KIZ: variants seen among roughly 807,000 people sequenced by gnomAD.
KIZ encodes the protein kizuna centrosomal protein.
Under a neutral mutation model 79.6 loss-of-function variants are expected in KIZ, and 68 were observed. The ratio of observed to expected loss-of-function variants is 0.85; its 90% CI spans 0.70 to 1.05. The LOEUF is 1.05. Among genes scored for constraint, KIZ ranks in the 50% least tolerant of loss-of-function variants. The pLI, the probability that KIZ is intolerant of heterozygous loss-of-function variation, is 0.00. For synonymous variants in KIZ, 280 were observed against 281.8 expected, an observed-to-expected ratio of 0.99 and a Z score of 0.06; for missense variants, 797 against 800.4, an observed-to-expected ratio of 1.00 and a Z score of 0.05.
In KIZ at chr20:21,207,471, C is replaced by G. The variant is rs1600540967; in HGVS notation, c.1446+1887C>G. On this transcript the variant is annotated intron_variant, in intron 7 of 12. Transcript: ENST00000619189. ...CTCCTTTCCCCCATCTTCGTACCCC[C>G]CTCCCTTCCCTCTCCTTCTTTCCTC... Among the ~76,000 whole-genome samples, 4 of 106,024 alleles carry G rather than the reference C, an allele frequency of 3.8e-5. No individual in the cohort carries two copies. The South Asian group carries it at 1.5e-3, about 40-fold the overall frequency. 69.6% of individuals were successfully genotyped at this position (106,024 alleles called of 152,430 possible).
intron 2 of KIZ, among the ~76,000 whole-genome samples, chr20:21,134,400 T>C (rs1174195471): frequency 6.6e-6 from 1 of 152,090 alleles, no homozygotes; most frequent in Non-Finnish European, 1.5e-5. Flanking sequence ...GGGCAATTAC[T>C]CCAACATTCG....
At chr20:21,145,326 T>A (rs949853112) in intron 3 of KIZ, among the ~76,000 whole-genome samples, 5 of 152,116 alleles carry the variant, frequency 3.3e-5, no homozygotes, top group African/African-American at 4.8e-5. Flanking sequence ...CCTAAGTTGA[T>A]GAAAGTAAAA....
At chr20:21,176,836 G>A (rs1477972317) in intron 6 of KIZ, among the ~76,000 whole-genome samples, 1 of 152,224 alleles carries the variant, frequency 6.6e-6, no homozygotes, top group Non-Finnish European at 1.5e-5. Flanking sequence ...TGCCTTTGGT[G>A]GGCTTATCAG....
At chr20:21,225,080 T>C (rs1265567434) in intron 9 of KIZ, among the ~76,000 whole-genome samples, 2 of 152,098 alleles carry the variant, frequency 1.3e-5, no homozygotes, top group African/African-American at 4.8e-5. Flanking sequence ...TAAGGGAAAA[T>C]ACATTTATCT....
At chr20:21,183,033 A>G (rs1395499111) in intron 6 of KIZ, among the ~76,000 whole-genome samples, 1 of 152,106 alleles carries the variant, frequency 6.6e-6, no homozygotes, top group African/African-American at 2.4e-5. Flanking sequence ...ACTAAACAAA[A>G]TTGGGGTCCC....
intron 6 of KIZ, among the ~76,000 whole-genome samples, chr20:21,169,237 GAAAA>G (rs535387586): frequency 1.1e-4 from 17 of 150,216 alleles, no homozygotes; most frequent in African/African-American, 4.2e-4. Context: ...AAATTTACAA[GAAAA>G]AAAAACCCCA....
intron 4 of KIZ, chr20:21,150,829 G>A (rs920071157): frequency 6.6e-6 from 1 of 152,246 alleles, no homozygotes; most frequent in Non-Finnish European, 1.5e-5. Context: ...CCTGGTGAGT[G>A]ATGATAACCT....
chr20:21,173,904 A>G (rs1021741598), intron 6 of KIZ, among the ~76,000 whole-genome samples: 1 of 152,204 alleles, frequency 6.6e-6, no homozygotes, highest in Non-Finnish European at 1.5e-5. Context: ...TTTTAAAGCC[A>G]TGGGCCTAAG....
At chr20:21,225,545 A>G (rs575557314) in intron 9 of KIZ, among the ~76,000 whole-genome samples, 3 of 152,328 alleles carry the variant, frequency 2.0e-5, no homozygotes, top group South Asian at 4.2e-4. Context: ...CACCTTGGAA[A>G]TATATCGACT....
chr20:21,146,909 T>C (rs1049697516), intron 4 of KIZ, among the ~76,000 whole-genome samples: 2 of 152,278 alleles, frequency 1.3e-5, no homozygotes, highest in Admixed American at 6.5e-5. Flanking sequence ...CCTTGACCTA[T>C]ATAAAAAGGC....
intron 9 of KIZ, among the ~76,000 whole-genome samples, chr20:21,227,594 ACT>A (rs1414328428): frequency 6.6e-6 from 1 of 151,946 alleles, no homozygotes; most frequent in Non-Finnish European, 1.5e-5. Flanking sequence ...GAATTCAGAC[ACT>A]CTGTCTTTGA....
chr20:21,159,336 AT>A (rs1600409283), intron 4 of KIZ, among the ~76,000 whole-genome samples: 1 of 151,936 alleles, frequency 6.6e-6, no homozygotes, highest in African/African-American at 2.4e-5. Flanking sequence ...TTTTCTAAGG[AT>A]TTTTTATTCA....
chr20:21,215,532 C>A, intron 8 of KIZ, 51 bp from the exon 9 acceptor site: 1 of 1,063,124 alleles, frequency 9.4e-7, no homozygotes. Flanking sequence ...CCCAAAGGAT[C>A]TATTCCTTAA....
intron 6 of KIZ, among the ~76,000 whole-genome samples, chr20:21,168,233 C>G (rs1178046053): frequency 6.6e-6 from 1 of 152,134 alleles, no homozygotes; most frequent in Non-Finnish European, 1.5e-5. Context: ...ATCCATGTCC[C>G]TACAAAGGAC....
chr20:21,145,485 A>G, intron 3 of KIZ, 80 bp from the exon 4 acceptor site: 1 of 497,076 alleles, frequency 2.0e-6, no homozygotes. Context: ...TGCTCCCTGT[A>G]TGTTGTAAAG....
At chr20:21,224,225 C>T (rs538150625) in intron 9 of KIZ, among the ~76,000 whole-genome samples, 2 of 152,062 alleles carry the variant, frequency 1.3e-5, no homozygotes, top group African/African-American at 4.8e-5. Flanking sequence ...GTGATCTGCC[C>T]GCCTCAGCCT....
chr20:21,246,313 T>G, intron 12 of KIZ, 166 bp from the exon 13 acceptor site: 1 of 621,638 alleles, frequency 1.6e-6, no homozygotes. Context: ...ATTTGTGCAG[T>G]ATGACATGCA....
intron 4 of KIZ, chr20:21,151,264 G>C (rs1600391622): frequency 6.6e-6 from 1 of 152,248 alleles, no homozygotes; most frequent in Middle Eastern, 3.4e-3. Context: ...GTGGGAGAGG[G>C]CCTTTTTTAA....
chr20:21,214,862 G>T (rs377647307), intron 8 of KIZ, among the ~76,000 whole-genome samples, 162 bp downstream of exon 8: 1 of 152,124 alleles, frequency 6.6e-6, no homozygotes, highest in Non-Finnish European at 1.5e-5. Flanking sequence ...AAATATATAT[G>T]TTCTCCTTTA....
Sources: gnomAD v4.1 joint callset for allele counts (sites outside exome capture counted in the v4.1 genomes callset) on GRCh38, gnomAD v4.1.1 for gene constraint, MANE v1.5 for transcripts, NCBI Gene and HGNC (gene_info 2026-07-23, HGNC 2026-07-21) for gene names.